SLC6A16: variants seen among roughly 807,000 people sequenced by gnomAD.
SLC6A16 encodes the protein solute carrier family 6 member 16, also known as orphan sodium- and chloride-dependent neurotransmitter transporter NTT5.
Under a neutral mutation model 65.4 loss-of-function variants are expected in SLC6A16, and 54 were observed. The observed-to-expected ratio is 0.83, with a 90% confidence interval of 0.66 to 1.04. The LOEUF is 1.04. Among genes scored for constraint, SLC6A16 ranks in the 50% least tolerant of loss-of-function variants. The pLI, the probability that SLC6A16 is intolerant of heterozygous loss-of-function variation, is 0.00. For missense variants in SLC6A16, 816 were observed against 914.0 expected, an observed-to-expected ratio of 0.89 and a Z score of 1.38; for synonymous variants, 330 against 346.5, an observed-to-expected ratio of 0.95 and a Z score of 0.53.
rs1410344955 is a variant in SLC6A16, at chr19:49,293,343, A to G, written c.1658T>C (p.Phe553Ser). 6.2e-7 allele frequency: 1 copy of G among 1,614,186 alleles called. No homozygotes were observed. The highest frequency in any genetic ancestry group is 1.1e-5 in the South Asian group (1 of 91,082). Residue 553 changes from phenylalanine to serine, a missense_variant, in exon 10 of 12, where the codon TTC becomes TCC. Transcript: ENST00000335875. Reference protein sequence around the residue: ...FLLMFVCGLFFTRPSGSYFIR... With the variant: ...FLLMFVCGLFSTRPSGSYFIR... Reference sequence around the variant, plus strand: ...GAAGTAGCTGCCTGAAGGTCGAGTGAAGAAGAGGCCGCACACGAACATGAG... The same window carrying G: ...GAAGTAGCTGCCTGAAGGTCGAGTGGAGAAGAGGCCGCACACGAACATGAG...
At chr19:49,324,106 G>C (rs924980386) in intron 1 of SLC6A16, among the ~76,000 whole-genome samples, 1 of 152,078 alleles carries the variant, frequency 6.6e-6, no homozygotes, top group East Asian at 1.9e-4. Context: ...GAGGCGGGTG[G>C]ATCGGCTGAG....
At chr19:49,319,303 T>C (rs1023938463) in intron 1 of SLC6A16, among the ~76,000 whole-genome samples, 10 of 151,998 alleles carry the variant, frequency 6.6e-5, no homozygotes, top group South Asian at 6.2e-4. Flanking sequence ...CAGATGCCCA[T>C]AGAACTGAAG....
chr19:49,308,860 A>C lies in SLC6A16; in HGVS notation c.1229+16T>G, dbSNP rs1970447321. On this transcript the variant is annotated intron_variant, in intron 7 of 11. Coordinates refer to ENST00000335875, the MANE Select transcript of SLC6A16 (RefSeq NM_014037.3). ...TTCCCTGGAGCTGAGACCCTTAACA[A>C]AGGGGCCGGCCTTACCTCTCACAGC... 6.2e-7 allele frequency: 1 copy of C among 1,613,386 alleles called. No homozygotes were observed. Among genetic ancestry groups the C allele is most frequent in the Non-Finnish European group, 8.5e-7 (1 of 1,179,458 alleles).
At position 49,311,060 on chromosome 19, in the gene SLC6A16, C is replaced by T; in HGVS notation, c.288G>A (p.Glu96=). Reference sequence around the variant, plus strand: ...ACGGACGGGCAAGGAGGACCTCACTCTCTTTCTTCTCTGTCATCTGCACCT... The same window carrying T: ...ACGGACGGGCAAGGAGGACCTCACTTTCTTTCTTCTCTGTCATCTGCACCT... ...HEKVQMTEKK[E]SEVLLARPFW... is the part of the protein sequence containing the mutation. The change falls in exon 2 of 12, where the codon GAG becomes GAA. Residue 96 remains glutamate (E), a synonymous_variant. Transcript: ENST00000335875. The T allele has an allele frequency of 1.2e-6, 2 of 1,614,222 alleles. No homozygotes were observed. The highest frequency in any genetic ancestry group is 1.7e-6 in the Non-Finnish European group (2 of 1,180,056).
At chr19:49,326,770 G>A (rs760987268), upstream of SLC6A16, among the ~76,000 whole-genome samples, 2 of 152,180 alleles carry the variant, frequency 1.3e-5, no homozygotes, top group Non-Finnish European at 2.9e-5. Context: ...TGTAATCCCA[G>A]CACTTTGGGA....
chr19:49,333,583 T>C, the SLC6A16 span, among the ~76,000 whole-genome samples: 1 of 151,910 alleles, frequency 6.6e-6, no homozygotes, highest in Admixed American at 6.6e-5. Context: ...TGGGGCTATG[T>C]GGGGGACAGA....
Position 49,310,951 on chromosome 19 carries a change from A to G in SLC6A16, c.397T>C (p.Trp133Arg). The G allele has an allele frequency of 6.2e-7, 1 of 1,613,590 alleles. No homozygotes were observed. Among genetic ancestry groups the G allele is most frequent in the Non-Finnish European group, 8.5e-7 (1 of 1,179,610 alleles). Reference protein sequence around the residue: ...PSCLWRFAYLWLNSGGCSFAA... With the variant: ...PSCLWRFAYLRLNSGGCSFAA... ...GACTTACAGCCTCCACTGTTAAGCC[A>G]CAGGTAGGCAAAGCGCCAGAGACAA... Residue 133 changes from tryptophan to arginine, a missense_variant, in exon 2 of 12, where the codon TGG (tryptophan) becomes CGG (arginine). Trp to Arg is a moderately radical substitution (Grantham distance 101). Transcript: ENST00000335875.
chr19:49,300,176 C>T (rs1970262617), intron 7 of SLC6A16, among the ~76,000 whole-genome samples: 1 of 151,860 alleles, frequency 6.6e-6, no homozygotes, highest in Non-Finnish European at 1.5e-5. Context: ...TGCATTTTAG[C>T]AAAATAATAT....
At chr19:49,295,258 T>C (rs930653460) in intron 7 of SLC6A16, among the ~76,000 whole-genome samples, 7 of 152,066 alleles carry the variant, frequency 4.6e-5, no homozygotes, top group Admixed American at 3.3e-4. Context: ...CACGTGCCTG[T>C]AGTCCCAGCT....
rs565735373 is a variant in SLC6A16, at chr19:49,290,332, C to T, written c.2002G>A (p.Ala668Thr). Residue 668 changes from alanine (A) to threonine (T), a missense_variant, in exon 12 of 12, where the codon GCC becomes ACC. Physicochemically the swap from Ala to Thr is moderately conservative, Grantham distance 58 (BLOSUM62 0). Transcript: ENST00000335875. ...GCAGGGATGGGGAGGATGACAATGG[C>T]AAAAAGGGTGATCATCAAGAGCAGT... ...WALLLMITLF[A>T]IVILPIPAYF... 1.4e-5 allele frequency: 22 copies of T among 1,612,768 alleles called. No individual in the cohort carries two copies. In the African/African-American group the frequency reaches 2.8e-4, roughly 21 times the overall value.
rs902187308 is a variant in SLC6A16 at position 49,313,625 on chromosome 19, C to CAA, written c.-64-2216_-64-2215dup. On this transcript the variant is annotated intron_variant, in intron 1 of 11. Coordinates refer to ENST00000335875, the MANE Select transcript of SLC6A16 (RefSeq NM_014037.3). ...CAAAACCCTATCTCTACTAAAAATG[C>CAA]AAAAAAAAAAAAAAAAAAAAAATAG... 4.4e-3 allele frequency among the ~76,000 whole-genome samples: 206 copies of CAA among 47,278 alleles called. 1 individual carries two copies. Among genetic ancestry groups the CAA allele is most frequent in the Middle Eastern group, 0.014 (1 of 72 alleles). The allele number at this position is 47,278 out of a possible 152,430, so 31.0% of individuals were successfully genotyped here. A position where few individuals can be genotyped will look rare whatever the true frequency, so the allele number is the denominator to read the frequency against.
At chr19:49,336,557 C>CA in the SLC6A16 span, 217 of 200,772 alleles carry the variant, frequency 1.1e-3, no homozygotes, top group Middle Eastern at 3.9e-3. Flanking sequence ...GGCTCCAACT[C>CA]AAAAAAAAAC....
At position 49,311,099 on chromosome 19, in the gene SLC6A16, T is replaced by C. The variant is rs962543894; in HGVS notation, c.249A>G (p.Lys83=). 1.9e-6 allele frequency: 3 copies of C among 1,614,020 alleles called. No homozygotes were observed. The Admixed American group carries it at 5.0e-5, about 27-fold the overall frequency. ...TCATCTGCACCTTCTCATGCGTGGG[T>C]TTCTGGTTCAGGGCTGAGGCAGTTA... ...EALTASALNQ[K]PTHEKVQMTE... Residue 83 remains lysine (K), a synonymous_variant, in exon 2 of 12, where the codon AAA becomes AAG. Transcript: ENST00000335875.
At chr19:49,296,715 G>A (rs1278472819) in intron 7 of SLC6A16, among the ~76,000 whole-genome samples, 1 of 152,156 alleles carries the variant, frequency 6.6e-6, no homozygotes, top group East Asian at 1.9e-4. Context: ...TTGGCCAGGC[G>A]CGGTGGCTCA....
At chr19:49,294,592 C>T (rs1006401672) in intron 7 of SLC6A16, 39 bp from the exon 8 acceptor site, 5 of 1,523,582 alleles carry the variant, frequency 3.3e-6, no homozygotes, top group East Asian at 2.3e-5. Context: ...ACCATTTGGC[C>T]CAGTAGGAGA....
the SLC6A16 span, chr19:49,339,023 AG>A: frequency 6.4e-6 from 7 of 1,085,856 alleles, no homozygotes; most frequent in South Asian, 9.6e-5. This position sits in a 1 kb window ranked among gnomAD's most constrained non-coding sequence, Gnocchi z 4.5. Flanking sequence ...GGCCTGAGAA[AG>A]GGCGGGGTCT....
At chr19:49,324,354 A>T (rs1970764788) in intron 1 of SLC6A16, among the ~76,000 whole-genome samples, 1 of 152,184 alleles carries the variant, frequency 6.6e-6, no homozygotes, top group African/African-American at 2.4e-5. Flanking sequence ...AATAAAAAAT[A>T]ATAGATTCAT....
rs756569943 is a variant in SLC6A16 at position 49,308,977 on chromosome 19, G to A, written c.1128C>T (p.Leu376=). 1.3e-5 allele frequency: 21 copies of A among 1,614,090 alleles called. No homozygotes were observed. The highest frequency in any genetic ancestry group is 9.9e-5 in the South Asian group (9 of 91,086). The change falls in exon 7 of 12, where the codon CTC becomes CTT. Residue 376 remains leucine, a synonymous_variant. Coordinates refer to ENST00000335875, the MANE Select transcript of SLC6A16 (RefSeq NM_014037.3). The part of the protein sequence containing the change: ...QSNNCLSDAF[L]VSVINLLTLL... ...AAGTGAGCAGGTTTATCACAGACACGAGAAAGGCATCACTGAGACAGTTGT... is the reference window on the plus strand; with the variant it reads ...AAGTGAGCAGGTTTATCACAGACACAAGAAAGGCATCACTGAGACAGTTGT...
the SLC6A16 span, chr19:49,337,988 G>A: frequency 6.2e-7 from 1 of 1,614,086 alleles, no homozygotes; most frequent in Non-Finnish European, 8.5e-7. Flanking sequence ...CAACCCCGAG[G>A]AGACCGCGGC....
Sources: allele counts gnomAD v4.1 joint callset (sites outside exome capture counted in the v4.1 genomes callset), GRCh38; gene constraint gnomAD v4.1.1; non-coding constraint Gnocchi (gnomAD v3.1); transcripts MANE v1.5; gene names NCBI Gene and HGNC (gene_info 2026-07-23, HGNC 2026-07-21).